Variants in ANO10 observed in about 807,000 individuals in gnomAD.
ANO10 encodes anoctamin 10.
ANO10 carries 77 observed loss-of-function variants against 74.7 expected under a neutral mutation model. That is an observed-to-expected ratio of 1.03 (90% CI 0.86 to 1.25). ANO10 has a LOEUF of 1.25. Ranked by LOEUF, ANO10 falls within the 50% of genes most tolerant of loss-of-function variation. ANO10 has a pLI of 0.00. For synonymous variants in ANO10, 279 were observed against 284.9 expected (o/e 0.98, Z 0.21); for missense variants, 721 against 778.1 (o/e 0.93, Z 0.87).
chr3:43,659,202 G>A (rs1211091980), intron 1 of ANO10, among the ~76,000 whole-genome samples: 2 of 152,202 alleles, frequency 1.3e-5, no homozygotes, highest in African/African-American at 4.8e-5. Context: ...CACTGGGACT[G>A]GTTGGACAGT....
intron 11 of ANO10, 137 bp from the exon 12 acceptor site, chr3:43,432,864 A>G: frequency 1.5e-6 from 1 of 677,538 alleles, no homozygotes; most frequent in South Asian, 1.6e-5. Context: ...GAAGTATCAA[A>G]GACCAAGCAG....
At chr3:43,648,241 A>C (rs2149566932) in intron 1 of ANO10, among the ~76,000 whole-genome samples, 1 of 152,352 alleles carries the variant, frequency 6.6e-6, no homozygotes. Flanking sequence ...AATCCAGGGA[A>C]GACAAACATT....
intron 11 of ANO10, among the ~76,000 whole-genome samples, chr3:43,510,033 G>C (rs1322043638): frequency 6.6e-6 from 1 of 152,128 alleles, no homozygotes; most frequent in Non-Finnish European, 1.5e-5. Flanking sequence ...GTGATCATCA[G>C]GGGTAAGGAA....
intron 11 of ANO10, among the ~76,000 whole-genome samples, chr3:43,547,931 C>A (rs1367083225): frequency 6.6e-6 from 1 of 152,098 alleles, no homozygotes; most frequent in East Asian, 1.9e-4. Flanking sequence ...CAGAAGCTAG[C>A]GATGGACACC....
chr3:43,466,392 C>CAACA (rs1553677087), intron 11 of ANO10, among the ~76,000 whole-genome samples: 2 of 124,838 alleles, frequency 1.6e-5, no homozygotes, highest in Non-Finnish European at 3.2e-5. Context: ...AAAAAACAAA[C>CAACA]AAAAAAACCA....
chr3:43,462,795 AC>A (rs1300964036), intron 11 of ANO10, among the ~76,000 whole-genome samples: 1 of 152,094 alleles, frequency 6.6e-6, no homozygotes, highest in Non-Finnish European at 1.5e-5. Flanking sequence ...GGCCCAGGGT[AC>A]CCATGCTGAG....
intron 1 of ANO10, among the ~76,000 whole-genome samples, chr3:43,680,095 T>C (rs1362464492): frequency 2.0e-5 from 3 of 152,146 alleles, no homozygotes; most frequent in African/African-American, 2.4e-5. Flanking sequence ...AGAATGACTT[T>C]GACGAGTTGA....
At chr3:43,676,838 AT>A (rs11443612) in intron 1 of ANO10, among the ~76,000 whole-genome samples, 150 of 148,184 alleles carry the variant, frequency 1.0e-3, no homozygotes, top group Admixed American at 2.6e-3. Flanking sequence ...TAACCAGATA[AT>A]TTTTTTTTTT....
intron 7 of ANO10, among the ~76,000 whole-genome samples, chr3:43,573,241 C>T (rs1309901025): frequency 2.6e-5 from 4 of 152,112 alleles, no homozygotes. Flanking sequence ...TAAGTATCAG[C>T]CATTTCACGG....
At chr3:43,527,559 CAG>C (rs1408457634) in intron 11 of ANO10, among the ~76,000 whole-genome samples, 2 of 152,058 alleles carry the variant, frequency 1.3e-5, no homozygotes, top group Non-Finnish European at 2.9e-5. Context: ...CAAAAACAAA[CAG>C]ATCAATAGGA....
At chr3:43,405,441 T>C (rs966473561) in intron 12 of ANO10, among the ~76,000 whole-genome samples, 1 of 152,222 alleles carries the variant, frequency 6.6e-6, no homozygotes, top group African/African-American at 2.4e-5. Flanking sequence ...CTCAAAGCTT[T>C]CTGTTAATTT....
chr3:43,386,085 GCTCT>G (rs1315756853), intron 12 of ANO10, among the ~76,000 whole-genome samples: 1 of 152,294 alleles, frequency 6.6e-6, no homozygotes, highest in East Asian at 1.9e-4. Context: ...CTGTCCTGTT[GCTCT>G]CTCTGACTCT....
intron 1 of ANO10, among the ~76,000 whole-genome samples, chr3:43,635,636 T>C (rs2083600889): frequency 6.6e-6 from 1 of 151,826 alleles, no homozygotes; most frequent in South Asian, 2.1e-4. Context: ...TTTTTTTTTT[T>C]CTGAGACGGA....
chr3:43,438,447 A>T (rs555456909), intron 11 of ANO10, among the ~76,000 whole-genome samples: 2 of 143,156 alleles, frequency 1.4e-5, no homozygotes, highest in South Asian at 2.2e-4. Context: ...TGTCTGTATT[A>T]AAAAAAAAAA....
intron 11 of ANO10, among the ~76,000 whole-genome samples, chr3:43,436,154 T>G (rs1176643696): frequency 6.6e-6 from 1 of 152,192 alleles, no homozygotes; most frequent in East Asian, 1.9e-4. Context: ...AAAAGGTCAA[T>G]TTTTTGGATA....
intron 2 of ANO10, among the ~76,000 whole-genome samples, chr3:43,604,158 A>G (rs926636306): frequency 1.3e-5 from 2 of 152,200 alleles, no homozygotes; most frequent in Admixed American, 1.3e-4. Flanking sequence ...CCTATAATGT[A>G]GCGTGCTCAG....
chr3:43,679,871 C>T (rs146383723), intron 1 of ANO10, among the ~76,000 whole-genome samples: 3,216 of 152,314 alleles, frequency 0.021, 55 homozygotes, highest in South Asian at 0.092. Flanking sequence ...AGACCTGCAG[C>T]TGAGGGTCCT....
intron 1 of ANO10, among the ~76,000 whole-genome samples, chr3:43,661,170 C>G (rs1379495974): frequency 6.6e-6 from 1 of 152,080 alleles, no homozygotes; most frequent in Non-Finnish European, 1.5e-5. Context: ...ATTGGGTTAC[C>G]CACAAAGGGA....
At chr3:43,434,720 G>A (rs1002233176) in intron 11 of ANO10, among the ~76,000 whole-genome samples, 9 of 152,146 alleles carry the variant, frequency 5.9e-5, no homozygotes, top group South Asian at 2.1e-4. Context: ...GTAAACTCTC[G>A]TTTGGGAACC....
Sources: allele counts gnomAD v4.1 joint callset (sites outside exome capture counted in the v4.1 genomes callset), GRCh38; gene constraint gnomAD v4.1.1; transcripts MANE v1.5; gene names NCBI Gene and HGNC (gene_info 2026-07-23, HGNC 2026-07-21).